MAF: variants seen among roughly 807,000 people sequenced by gnomAD.
MAF encodes transcription factor Maf.
Under a neutral mutation model 22.0 loss-of-function variants are expected in MAF, and 10 were observed. The observed-to-expected ratio is 0.45, with a 90% CI of 0.28 to 0.77. MAF has a LOEUF of 0.77. Among genes scored for constraint, MAF ranks in the 30% least tolerant of loss-of-function variants. The probability of loss-of-function intolerance (pLI) is 0.12; values close to 1 mark genes in which losing one functional copy is unlikely to be tolerated. For synonymous variants in MAF, 337 were observed against 255.8 expected, an observed-to-expected ratio of 1.32 and a Z score of -3.03; for missense variants, 544 against 548.4, an observed-to-expected ratio of 0.99 and a Z score of 0.08.
chr16:79,314,382 G>A, the MAF span, among the ~76,000 whole-genome samples: 9 of 152,092 alleles, frequency 5.9e-5, no homozygotes, highest in Non-Finnish European at 1.2e-4. Context: ...TGGCTGAAAC[G>A]CTCCCAGGGT....
chr16:79,598,435 G>T (rs1913704017), intron 1 of MAF: 1 of 1,255,778 alleles, frequency 8.0e-7, no homozygotes, highest in Non-Finnish European at 1.0e-6. Context: ...GTGCAAGTCC[G>T]GGGGTGGGGC....
chr16:79,386,617 T>C, the MAF span, among the ~76,000 whole-genome samples: 3 of 152,132 alleles, frequency 2.0e-5, no homozygotes, highest in South Asian at 2.1e-4. Flanking sequence ...TGTATATAAC[T>C]ATATACACAT....
At chr16:79,589,877 C>T (rs1359678395), downstream of MAF, among the ~76,000 whole-genome samples, 3 of 152,202 alleles carry the variant, frequency 2.0e-5, no homozygotes, top group Non-Finnish European at 4.4e-5. Context: ...CGGGCGGCGT[C>T]GTGGGCATCT....
At chr16:79,261,519 T>C in the MAF span, among the ~76,000 whole-genome samples, 2 of 152,326 alleles carry the variant, frequency 1.3e-5, no homozygotes, top group South Asian at 2.1e-4. Flanking sequence ...TTTAACAAAT[T>C]TGTGGATGAA....
the MAF span, among the ~76,000 whole-genome samples, chr16:79,462,019 G>C: frequency 1.4e-4 from 21 of 151,804 alleles, no homozygotes; most frequent in Non-Finnish European, 4.4e-5. Flanking sequence ...CCCTGCAAAT[G>C]GAGTCTCTAC....
At chr16:79,247,502 T>G in the MAF span, among the ~76,000 whole-genome samples, 1 of 152,196 alleles carries the variant, frequency 6.6e-6, no homozygotes, top group African/African-American at 2.4e-5. Context: ...GACTCCTGTT[T>G]GCTGAGCTTT....
chr16:79,355,201 C>T, the MAF span, among the ~76,000 whole-genome samples: 49 of 152,304 alleles, frequency 3.2e-4, no homozygotes, highest in Middle Eastern at 3.4e-3. Flanking sequence ...ACCTATCTCC[C>T]CAGTGTTTCA....
chr16:79,546,274 A>G, the MAF span, among the ~76,000 whole-genome samples: 1 of 145,028 alleles, frequency 6.9e-6, no homozygotes, highest in Non-Finnish European at 1.5e-5. Context: ...GGTAACCCAA[A>G]TGAAAATCAA....
the MAF span, among the ~76,000 whole-genome samples, chr16:79,502,731 ATATATATATATATATATATATAT>A: frequency 1.5e-4 from 17 of 109,914 alleles, no homozygotes; most frequent in African/African-American, 6.9e-4. Context: ...ATATATATAT[ATATATATATATATATATATATAT>A]AAAGACTCAT....
chr16:79,529,819 G>C, the MAF span, among the ~76,000 whole-genome samples: 1 of 152,112 alleles, frequency 6.6e-6, no homozygotes, highest in East Asian at 1.9e-4. Flanking sequence ...AAATTAGCCA[G>C]ATGTGGTGGT....
chr16:79,249,745 C>T, the MAF span, among the ~76,000 whole-genome samples: 17 of 152,010 alleles, frequency 1.1e-4, no homozygotes, highest in Non-Finnish European at 2.1e-4. Flanking sequence ...TTCCCCGCTC[C>T]CTCCCTCCCT....
the MAF span, among the ~76,000 whole-genome samples, chr16:79,474,992 T>C: frequency 6.6e-6 from 1 of 152,228 alleles, no homozygotes; most frequent in African/African-American, 2.4e-5. Context: ...GACACTGTGC[T>C]GGTAGCAGAA....
the MAF span, among the ~76,000 whole-genome samples, chr16:79,474,896 C>T: frequency 6.6e-6 from 1 of 152,160 alleles, no homozygotes; most frequent in African/African-American, 2.4e-5. Context: ...GTGTGATTCA[C>T]CATCATCTAA....
chr16:79,498,578 T>C, the MAF span, among the ~76,000 whole-genome samples: 1 of 152,148 alleles, frequency 6.6e-6, no homozygotes, highest in Non-Finnish European at 1.5e-5. Flanking sequence ...TGTTTGGTTG[T>C]TTACAACTCA....
chr16:79,365,439 A>G, the MAF span, among the ~76,000 whole-genome samples: 1 of 152,206 alleles, frequency 6.6e-6, no homozygotes, highest in African/African-American at 2.4e-5. Flanking sequence ...GGAGCCTAGT[A>G]CAGTGCCAGG....
At chr16:79,308,118 C>G in the MAF span, among the ~76,000 whole-genome samples, 1 of 152,206 alleles carries the variant, frequency 6.6e-6, no homozygotes, top group Non-Finnish European at 1.5e-5. Context: ...TATGGTGTCC[C>G]TGAAGACCCA....
At chr16:79,451,150 C>T in the MAF span, among the ~76,000 whole-genome samples, 1 of 152,346 alleles carries the variant, frequency 6.6e-6, no homozygotes. Flanking sequence ...GAAAATGCTA[C>T]CCACCACCTT....
the MAF span, among the ~76,000 whole-genome samples, chr16:79,233,620 G>C: frequency 6.6e-6 from 1 of 152,070 alleles, no homozygotes; most frequent in African/African-American, 2.4e-5. Context: ...TGTCCCACTG[G>C]GAGGTGATGG....
chr16:79,334,338 G>A, the MAF span, among the ~76,000 whole-genome samples: 1,671 of 152,266 alleles, frequency 0.011, 23 homozygotes, highest in Non-Finnish European at 0.019. Context: ...CCAGGAGCTA[G>A]AAGCAAACGA....
Sources: gnomAD v4.1 joint callset for allele counts (sites outside exome capture counted in the v4.1 genomes callset) on GRCh38, gnomAD v4.1.1 for gene constraint, MANE v1.5 for transcripts, NCBI Gene and HGNC (gene_info 2026-07-23, HGNC 2026-07-21) for gene names.